Variants in SH3GL2 observed in about 807,000 individuals in gnomAD.
The protein encoded by SH3GL2 is SH3 domain containing GRB2 like 2, endophilin A1.
Under a neutral mutation model 46.0 loss-of-function variants are expected in SH3GL2, and 24 were observed. The ratio of observed to expected loss-of-function variants is 0.52; its 90% CI spans 0.38 to 0.73. The LOEUF (loss-of-function observed/expected upper bound fraction) is 0.73. Among genes scored for constraint, SH3GL2 ranks in the 30% least tolerant of loss-of-function variants. The pLI is 0.00. For missense variants in SH3GL2, 413 were observed against 424.2 expected (o/e 0.97, Z 0.23); for synonymous variants, 196 against 147.1 (o/e 1.33, Z -2.40).
chr9:17,634,374 A>G (rs1819497693), intron 1 of SH3GL2, among the ~76,000 whole-genome samples: 1 of 152,048 alleles, frequency 6.6e-6, no homozygotes, highest in Admixed American at 6.5e-5. Flanking sequence ...AAATAACCCA[A>G]ACTCCACAAC....
At chr9:17,682,659 G>A (rs1035334368) in intron 1 of SH3GL2, among the ~76,000 whole-genome samples, 1 of 149,602 alleles carries the variant, frequency 6.7e-6, no homozygotes, top group Non-Finnish European at 1.5e-5. Flanking sequence ...TTCTGCGTAT[G>A]TATCCTGGAA....
intron 1 of SH3GL2, among the ~76,000 whole-genome samples, chr9:17,733,888 G>A (rs1052850387): frequency 1.2e-4 from 18 of 151,700 alleles, no homozygotes; most frequent in Admixed American, 5.3e-4. Context: ...ACCAAACACT[G>A]CATATTCTCA....
chr9:17,638,169 A>C (rs75540247), intron 1 of SH3GL2, among the ~76,000 whole-genome samples: 1 of 147,470 alleles, frequency 6.8e-6, no homozygotes, highest in African/African-American at 2.5e-5. Context: ...AAAAAAAACA[A>C]AAAAACAAAA....
chr9:17,766,731 A>G (rs374598308), intron 3 of SH3GL2, among the ~76,000 whole-genome samples: 69 of 152,140 alleles, frequency 4.5e-4, no homozygotes, highest in African/African-American at 1.5e-3. Flanking sequence ...GCACATTTCA[A>G]TTTGGACTAG....
chr9:17,715,049 C>A lies in SH3GL2; in HGVS notation c.46-32017C>A, dbSNP rs147874592. Among the ~76,000 whole-genome samples, 823 of 151,864 alleles carry A rather than the reference C, an allele frequency of 5.4e-3. 13 individuals carry two copies. Among genetic ancestry groups the A allele is most frequent in the African/African-American group, 0.019 (772 of 41,510 alleles). On this transcript the variant is annotated intron_variant, in intron 1 of 8. Transcript: ENST00000380607. ...TCTTTTAGTGCTTTAAAGATGTTAT[C>A]AACAGTCTTTTTGTTTTGTATTGCA... is the stretch of plus-strand genomic sequence containing the variant.
At chr9:17,655,569 G>T (rs1820054257) in intron 1 of SH3GL2, among the ~76,000 whole-genome samples, 1 of 152,062 alleles carries the variant, frequency 6.6e-6, no homozygotes, top group South Asian at 2.1e-4. Context: ...TTGTTACATT[G>T]CATCTTATCA....
intron 1 of SH3GL2, among the ~76,000 whole-genome samples, chr9:17,632,254 C>T (rs1298340116): frequency 6.6e-6 from 1 of 152,168 alleles, no homozygotes; most frequent in Non-Finnish European, 1.5e-5. Flanking sequence ...TGTCATACAA[C>T]AACCTATCCA....
chr9:17,683,364 A>G (rs1778116664), intron 1 of SH3GL2, among the ~76,000 whole-genome samples: 1 of 152,018 alleles, frequency 6.6e-6, no homozygotes, highest in South Asian at 2.1e-4. Context: ...AGCCCTCTGG[A>G]TCCTTCTCTA....
chr9:17,594,135 G>A (rs1023448356), intron 1 of SH3GL2, among the ~76,000 whole-genome samples: 6 of 152,162 alleles, frequency 3.9e-5, no homozygotes, highest in African/African-American at 1.4e-4. Flanking sequence ...ATGGCTCCCA[G>A]GATAGGTCCC....
intron 1 of SH3GL2, among the ~76,000 whole-genome samples, chr9:17,688,598 G>A (rs1820988909): frequency 6.6e-6 from 1 of 152,122 alleles, no homozygotes; most frequent in African/African-American, 2.4e-5. Flanking sequence ...GGGGCAGGAA[G>A]CATGCAAGAT....
chr9:17,780,045 A>C lies in SH3GL2; in HGVS notation c.188-6336A>C, dbSNP rs187997230. Among the ~76,000 whole-genome samples the C allele has an allele frequency of 2.4e-3, 367 of 152,304 alleles. 1 individual carries two copies. The highest frequency in any genetic ancestry group is 8.3e-3 in the African/African-American group (344 of 41,572). ...AACTGCCGTGTCCAGACCACATGCC[A>C]AACCAATTACATCAGAATGTTTAGG... On this transcript the variant is annotated intron_variant, in intron 3 of 8. Transcript: ENST00000380607.
chr9:17,724,797 T>C (rs1186375381), intron 1 of SH3GL2, among the ~76,000 whole-genome samples: 1 of 152,200 alleles, frequency 6.6e-6, no homozygotes, highest in Non-Finnish European at 1.5e-5. Flanking sequence ...TGGCCCCTGA[T>C]GTCCCTGCTC....
At chr9:17,775,441 G>T (rs1225111955) in intron 3 of SH3GL2, among the ~76,000 whole-genome samples, 2 of 152,138 alleles carry the variant, frequency 1.3e-5, no homozygotes, top group East Asian at 1.9e-4. Context: ...CCCATCTGTT[G>T]TGTTTTGCAA....
rs1413779933 is a variant in SH3GL2 at position 17,666,636 on chromosome 9, A to G, written c.46-80430A>G. On this transcript the variant is annotated intron_variant, in intron 1 of 8. Transcript: ENST00000380607. ...CATAGGAAGCATTCTCATTCATCCT[A>G]ACAGCTTATTCAGCCAGTTTTCTAA... 2.0e-5 allele frequency among the ~76,000 whole-genome samples: 3 copies of G among 151,334 alleles called. No individual in the cohort carries two copies. The Admixed American group carries it at 2.0e-4, about 10-fold the overall frequency.
chr9:17,737,803 G>A (rs925865197), intron 1 of SH3GL2, among the ~76,000 whole-genome samples: 2 of 151,988 alleles, frequency 1.3e-5, no homozygotes, highest in African/African-American at 4.8e-5. Context: ...CTGAGCAGTC[G>A]CCTTTGAGCT....
At chr9:17,749,485 C>T (rs1006448706) in intron 2 of SH3GL2, among the ~76,000 whole-genome samples, 3 of 152,080 alleles carry the variant, frequency 2.0e-5, no homozygotes, top group Admixed American at 6.6e-5. Flanking sequence ...TAGTTTGCCA[C>T]GTGGCCAATG....
chr9:17,618,755 T>C (rs1396337493), intron 1 of SH3GL2, among the ~76,000 whole-genome samples: 1 of 151,754 alleles, frequency 6.6e-6, no homozygotes, highest in Non-Finnish European at 1.5e-5. Flanking sequence ...ATTGTGAACT[T>C]ATATATTGAA....
intron 1 of SH3GL2, among the ~76,000 whole-genome samples, chr9:17,741,247 C>G (rs981611232): frequency 1.3e-5 from 2 of 152,058 alleles, no homozygotes; most frequent in African/African-American, 2.4e-5. Context: ...TGTTTATTTT[C>G]TATCAAATGT....
chr9:17,668,567 A>G (rs957945817), intron 1 of SH3GL2, among the ~76,000 whole-genome samples: 1 of 152,200 alleles, frequency 6.6e-6, no homozygotes, highest in African/African-American at 2.4e-5. Context: ...GTTTTTTCCT[A>G]CACTTAAGTT....
Sources: gnomAD v4.1 joint callset for allele counts (sites outside exome capture counted in the v4.1 genomes callset) on GRCh38, gnomAD v4.1.1 for gene constraint, MANE v1.5 for transcripts, NCBI Gene and HGNC (gene_info 2026-07-23, HGNC 2026-07-21) for gene names.